Variants in MAPKAP1 observed in about 807,000 individuals in gnomAD.
MAPKAP1 encodes MAPK associated protein 1.
MAPKAP1 carries 20 observed loss-of-function variants against 65.7 expected under a neutral mutation model. The ratio of observed to expected loss-of-function variants is 0.30; its 90% CI spans 0.21 to 0.44. The LOEUF is 0.44. Among genes scored for constraint, MAPKAP1 ranks in the 20% least tolerant of loss-of-function variants. The probability of loss-of-function intolerance (pLI) is 1.00; values close to 1 mark genes in which losing one functional copy is unlikely to be tolerated. For missense variants in MAPKAP1, 423 were observed against 648.0 expected, an observed-to-expected ratio of 0.65 and a Z score of 3.77; for synonymous variants, 222 against 244.3, an observed-to-expected ratio of 0.91 and a Z score of 0.85.
intron 8 of MAPKAP1, among the ~76,000 whole-genome samples, chr9:125,494,177 A>G (rs1329524446): frequency 6.6e-6 from 1 of 152,056 alleles, no homozygotes; most frequent in African/African-American, 2.4e-5. Flanking sequence ...GAGGCCTTTT[A>G]AGTCCCCAAA....
chr9:125,544,410 A>T (rs531558747), intron 6 of MAPKAP1, among the ~76,000 whole-genome samples: 2 of 152,332 alleles, frequency 1.3e-5, no homozygotes, highest in Admixed American at 1.3e-4. Context: ...ATTATAAGAC[A>T]AAACACTTAC....
intron 8 of MAPKAP1, among the ~76,000 whole-genome samples, chr9:125,489,130 C>G (rs762025237): frequency 6.6e-6 from 1 of 152,128 alleles, no homozygotes; most frequent in Non-Finnish European, 1.5e-5. Flanking sequence ...TTTTTAGCAA[C>G]TCAAAGTGAA....
At chr9:125,475,738 G>A (rs191642945) in intron 9 of MAPKAP1, among the ~76,000 whole-genome samples, 91 of 152,270 alleles carry the variant, frequency 6.0e-4, no homozygotes, top group African/African-American at 2.0e-3. Flanking sequence ...TTCTGCACTA[G>A]GACAGCTAGA....
At chr9:125,607,028 T>G (rs1832457716) in intron 4 of MAPKAP1, among the ~76,000 whole-genome samples, 1 of 152,180 alleles carries the variant, frequency 6.6e-6, no homozygotes, top group African/African-American at 2.4e-5. Context: ...TAAGCCTCAG[T>G]TTCCCCATGC....
At chr9:125,706,941 C>A in intron 1 of MAPKAP1, 30 bp downstream of exon 1, 1 of 391,968 alleles carries the variant, frequency 2.6e-6, no homozygotes, top group Non-Finnish European at 4.5e-6. Context: ...GACGGACGGG[C>A]GGGGAGCTGG....
At chr9:125,600,016 A>AC (rs1431869492) in intron 4 of MAPKAP1, 2 of 152,190 alleles carry the variant, frequency 1.3e-5, no homozygotes, top group African/African-American at 2.4e-5. Context: ...CTTAAAACAA[A>AC]CCCTCTATAT....
chr9:125,529,574 T>C (rs935675503), intron 7 of MAPKAP1, among the ~76,000 whole-genome samples: 1 of 152,176 alleles, frequency 6.6e-6, no homozygotes, highest in Admixed American at 6.5e-5. Context: ...TATGATTTGA[T>C]ATTTCTGTGA....
chr9:125,505,568 G>A (rs1829116219), intron 8 of MAPKAP1, among the ~76,000 whole-genome samples: 1 of 152,242 alleles, frequency 6.6e-6, no homozygotes, highest in Non-Finnish European at 1.5e-5. Flanking sequence ...GGACTCAAAC[G>A]AGAGGTGGAT....
rs538313808 is a variant in MAPKAP1 at position 125,475,015 on chromosome 9, G to C, written c.1208-6906C>G. On this transcript the variant is annotated intron_variant, in intron 9 of 11. Coordinates refer to ENST00000265960, the MANE Select transcript of MAPKAP1 (RefSeq NM_001006617.3). ...CGATAGCATCCACAGAGCAGTCAGG[G>C]AAGTCTTTGAAACTTGTCTGAATTT... Among the ~76,000 whole-genome samples the C allele has an allele frequency of 2.6e-5, 4 of 152,256 alleles. No individual in the cohort carries two copies. The East Asian group carries it at 7.7e-4, about 29-fold the overall frequency.
At chr9:125,516,617 A>T (rs1829469232) in intron 7 of MAPKAP1, among the ~76,000 whole-genome samples, 1 of 152,180 alleles carries the variant, frequency 6.6e-6, no homozygotes, top group Non-Finnish European at 1.5e-5. Context: ...AGAACTACCC[A>T]ATGTTTTACA....
At chr9:125,585,753 G>A in intron 4 of MAPKAP1, 26 bp from the exon 5 acceptor site, 1 of 1,608,662 alleles carries the variant, frequency 6.2e-7, no homozygotes. Context: ...ACACGTGAGA[G>A]CAAAGCACAC....
intron 7 of MAPKAP1, among the ~76,000 whole-genome samples, chr9:125,541,867 T>C (rs1830259351): frequency 6.6e-6 from 1 of 152,242 alleles, no homozygotes; most frequent in Non-Finnish European, 1.5e-5. Context: ...TAATTCTATC[T>C]CTGCGGCCAG....
chr9:125,459,856 G>A (rs866764606), intron 10 of MAPKAP1, among the ~76,000 whole-genome samples: 17 of 137,044 alleles, frequency 1.2e-4, no homozygotes, highest in South Asian at 2.3e-4. Flanking sequence ...GAGACCGTGG[G>A]GAGAGGGAGA....
chr9:125,696,445 A>C (rs930392375), intron 1 of MAPKAP1: 1 of 151,950 alleles, frequency 6.6e-6, no homozygotes, highest in African/African-American at 2.4e-5. Flanking sequence ...AAAAACAAAC[A>C]AACAAAAAAA....
intron 1 of MAPKAP1, among the ~76,000 whole-genome samples, chr9:125,701,149 C>T (rs1361233346): frequency 2.6e-5 from 4 of 152,218 alleles, no homozygotes; most frequent in Non-Finnish European, 5.9e-5. Flanking sequence ...CTTGGCATCC[C>T]GAAAAGAAAA....
At chr9:125,700,605 C>G (rs1005117146) in intron 1 of MAPKAP1, among the ~76,000 whole-genome samples, 6 of 152,118 alleles carry the variant, frequency 3.9e-5, no homozygotes, top group African/African-American at 1.4e-4. Context: ...AAACTGTATT[C>G]TACTTTCAGT....
At chr9:125,661,627 A>G (rs1222859128) in intron 3 of MAPKAP1, among the ~76,000 whole-genome samples, 2 of 152,246 alleles carry the variant, frequency 1.3e-5, no homozygotes, top group Non-Finnish European at 2.9e-5. Context: ...ATGCTTATAT[A>G]TAGTTTTAAA....
intron 9 of MAPKAP1, chr9:125,478,092 G>A (rs894747545): frequency 6.6e-6 from 1 of 152,200 alleles, no homozygotes; most frequent in African/African-American, 2.4e-5. Flanking sequence ...TCAATTGATG[G>A]GTAGGGGTTG....
Position 125,612,065 on chromosome 9 carries a change from T to C in MAPKAP1, c.499-26338A>G, listed in dbSNP as rs1832616170. Reference sequence around the variant, plus strand: ...AAATCCAAAATGTAATATGCTCCAATGAGCATTTCCTTTGATCATGCTCCA... The same window carrying C: ...AAATCCAAAATGTAATATGCTCCAACGAGCATTTCCTTTGATCATGCTCCA... On this transcript the variant is annotated intron_variant, in intron 4 of 11. Transcript: ENST00000265960. Among the ~76,000 whole-genome samples, 3 of 152,352 alleles carry C rather than the reference T, an allele frequency of 2.0e-5. No homozygotes were observed. In the South Asian group the frequency reaches 6.2e-4, roughly 32 times the overall value.
Sources: gnomAD v4.1 joint callset for allele counts (sites outside exome capture counted in the v4.1 genomes callset) on GRCh38, gnomAD v4.1.1 for gene constraint, MANE v1.5 for transcripts, NCBI Gene and HGNC (gene_info 2026-07-23, HGNC 2026-07-21) for gene names.